Variants in SNRPN observed in about 807,000 individuals in gnomAD.
The protein encoded by SNRPN is small nuclear ribonucleoprotein polypeptide N.
Under a neutral mutation model 25.2 loss-of-function variants are expected in SNRPN, and 7 were observed. The observed-to-expected ratio is 0.28, with a 90% CI of 0.16 to 0.52. SNRPN has a LOEUF of 0.52. SNRPN is among the 20% of genes least tolerant of loss of function. The probability of loss-of-function intolerance (pLI) is 0.96; values close to 1 mark genes in which losing one functional copy is unlikely to be tolerated. For missense variants in SNRPN, 196 were observed against 322.5 expected, an observed-to-expected ratio of 0.61 and a Z score of 3.00; for synonymous variants, 124 against 110.6, an observed-to-expected ratio of 1.12 and a Z score of -0.76.
intron 3 of SNRPN, among the ~76,000 whole-genome samples, chr15:24,939,943 C>T (rs2061453059): frequency 6.6e-6 from 1 of 152,034 alleles, no homozygotes; most frequent in South Asian, 2.1e-4. Context: ...ACGTGTACCA[C>T]CATGCCCAGC....
intron 1 of SNRPN, among the ~76,000 whole-genome samples, chr15:24,956,359 G>GGGA (rs200069493): frequency 1.3e-5 from 2 of 151,286 alleles, no homozygotes; most frequent in Admixed American, 1.3e-4. Context: ...TTCAGCGGGG[G>GGGA]GGTGGCCGCT....
At position 24,923,881 on chromosome 15, in the gene SNRPN, ATGTGTGTG is replaced by A. The variant is rs58343685; in HGVS notation, c.-391+3783_-391+3790del. On this transcript the variant is annotated intron_variant, in intron 3 of 11. Coordinates refer to the SNRPN transcript ENST00000400097. ...GATTTGTTTCTTTTTAGTGCCGTGT[ATGTGTGTG>A]TGTGTGTGTGTGTGTGTGTGTGTGT... 4.4e-4 allele frequency among the ~76,000 whole-genome samples: 47 copies of A among 106,126 alleles called. No individual in the cohort carries two copies. In the East Asian group the frequency reaches 5.1e-3, roughly 12 times the overall value. The allele number at this position is 106,126 out of a possible 152,430, so 69.6% of individuals were successfully genotyped here. A position where few individuals can be genotyped will look rare whatever the true frequency, so the allele number is the denominator to read the frequency against.
chr15:24,908,438 G>A (rs181692774), intron 2 of SNRPN, among the ~76,000 whole-genome samples: 5 of 152,268 alleles, frequency 3.3e-5, no homozygotes, highest in South Asian at 2.1e-4. Flanking sequence ...GAAAGCCTCC[G>A]TCTTTGAGAT....
chr15:24,968,987 A>G (rs1447953055), intron 3 of SNRPN, among the ~76,000 whole-genome samples: 2 of 137,044 alleles, frequency 1.5e-5, no homozygotes, highest in Admixed American at 7.2e-5. Context: ...AGAGTTTACT[A>G]TTTACTTTTT....
At chr15:24,957,096 C>T (rs893876544) in intron 1 of SNRPN, among the ~76,000 whole-genome samples, 1 of 151,946 alleles carries the variant, frequency 6.6e-6, no homozygotes, top group South Asian at 2.1e-4. Context: ...TTTTTTTTAA[C>T]TCCCTGTAGT....
chr15:24,896,611 G>A (rs766189418), intron 2 of SNRPN, among the ~76,000 whole-genome samples: 12 of 152,060 alleles, frequency 7.9e-5, no homozygotes, highest in Non-Finnish European at 1.5e-4. Context: ...CTACTCGGGA[G>A]ACTGAGGCAG....
At chr15:24,962,560 A>G (rs1248365962) in intron 2 of SNRPN, among the ~76,000 whole-genome samples, 3 of 152,162 alleles carry the variant, frequency 2.0e-5, no homozygotes, top group East Asian at 1.9e-4. Flanking sequence ...ATTAATTTAC[A>G]TATTCATTCT....
At chr15:24,911,791 G>A (rs1010445273) in intron 2 of SNRPN, among the ~76,000 whole-genome samples, 1 of 152,230 alleles carries the variant, frequency 6.6e-6, no homozygotes, top group African/African-American at 2.4e-5. Context: ...CAGAACTATT[G>A]GGTTGGGGCC....
intron 3 of SNRPN, among the ~76,000 whole-genome samples, chr15:24,930,102 C>G (rs1342718265): frequency 1.3e-5 from 2 of 151,508 alleles, no homozygotes; most frequent in African/African-American, 4.9e-5. Flanking sequence ...CGAGATTGTG[C>G]CACTGCACTC....
At chr15:24,859,019 C>T (rs761589489) in intron 1 of SNRPN, among the ~76,000 whole-genome samples, 7 of 152,010 alleles carry the variant, frequency 4.6e-5, no homozygotes, top group Non-Finnish European at 7.4e-5. Flanking sequence ...TTCCCCTTTT[C>T]CCCTCTCTCC....
intron 1 of SNRPN, among the ~76,000 whole-genome samples, chr15:24,874,200 C>A (rs1361169029): frequency 6.8e-5 from 10 of 146,502 alleles, no homozygotes; most frequent in African/African-American, 2.5e-4. Flanking sequence ...GTCCCAGCTA[C>A]TTGGGAGGCT....
At chr15:24,954,966 C>T (rs917378636), upstream of SNRPN, 6 of 1,592,232 alleles carry the variant, frequency 3.8e-6, no homozygotes, top group South Asian at 4.5e-5. Flanking sequence ...CGAAGCCTGC[C>T]GCTGCTGCAG....
intron 1 of SNRPN, among the ~76,000 whole-genome samples, chr15:24,960,591 G>A (rs1395858389): frequency 6.6e-6 from 1 of 152,120 alleles, no homozygotes; most frequent in Non-Finnish European, 1.5e-5. Context: ...ATGAACCATT[G>A]CGCCCTGCCT....
intron 3 of SNRPN, among the ~76,000 whole-genome samples, chr15:24,945,343 T>TAAAA (rs11422448): frequency 9.6e-5 from 8 of 83,720 alleles, no homozygotes; most frequent in Admixed American, 1.8e-4. Context: ...ACCCACCATG[T>TAAAA]AAAAAAAAAA....
intron 2 of SNRPN, among the ~76,000 whole-genome samples, chr15:24,906,001 A>G (rs2058776676): frequency 6.6e-6 from 1 of 152,276 alleles, no homozygotes; most frequent in Middle Eastern, 3.2e-3. Context: ...TGAGACTCCT[A>G]TAACAAAAGA....
chr15:24,937,861 ATACAG>A (rs1165945528), intron 3 of SNRPN, among the ~76,000 whole-genome samples: 1 of 152,196 alleles, frequency 6.6e-6, no homozygotes, highest in Non-Finnish European at 1.5e-5. Context: ...AAATGGAATC[ATACAG>A]TATTTGTCCT....
Position 24,977,929 on chromosome 15 carries a change from T to G in SNRPN, c.559+13T>G, listed in dbSNP as rs779814861. 3 of 1,547,036 alleles carry G rather than the reference T, an allele frequency of 1.9e-6. No individual in the cohort carries two copies. The highest frequency in any genetic ancestry group is 1.2e-5 in the South Asian group (1 of 81,082). On this transcript the variant is annotated intron_variant, in intron 8 of 9. Transcript: ENST00000390687. ...ACCCCACCTCCAGGTAAGGGATTGG[T>G]GAACACGAAGACGAACTTGAATCTC...
intron 1 of SNRPN, among the ~76,000 whole-genome samples, chr15:24,864,275 G>A (rs371707837): frequency 2.7e-5 from 4 of 148,054 alleles, no homozygotes; most frequent in Non-Finnish European, 5.9e-5. Flanking sequence ...TGATCCGCCC[G>A]CCTCGGCCTC....
chr15:24,934,991 G>C (rs1233811987), intron 3 of SNRPN, among the ~76,000 whole-genome samples: 1 of 152,194 alleles, frequency 6.6e-6, no homozygotes. Flanking sequence ...AAATTTTTGT[G>C]CCGGGTTCAG....
Sources: allele counts gnomAD v4.1 joint callset (sites outside exome capture counted in the v4.1 genomes callset), GRCh38; gene constraint gnomAD v4.1.1; transcripts MANE v1.5; gene names NCBI Gene and HGNC (gene_info 2026-07-23, HGNC 2026-07-21).